Variants in POC1B observed in about 807,000 individuals in gnomAD.
POC1B encodes the protein POC1 centriolar protein homolog B.
A neutral mutation model predicts 60.6 loss-of-function variants in POC1B; 44 were observed. That is an observed-to-expected ratio of 0.73 (90% confidence interval 0.57 to 0.93). The LOEUF is 0.93. Among genes scored for constraint, POC1B ranks in the 40% least tolerant of loss-of-function variants. The probability of loss-of-function intolerance (pLI) is 0.00; values close to 1 mark genes in which losing one functional copy is unlikely to be tolerated. For synonymous variants in POC1B, 180 were observed against 198.9 expected, an observed-to-expected ratio of 0.90 and a Z score of 0.80; for missense variants, 555 against 572.3, an observed-to-expected ratio of 0.97 and a Z score of 0.31.
At chr12:89,492,204 T>C in intron 3 of POC1B, 89 bp from the exon 4 acceptor site, 1 of 1,071,804 alleles carries the variant, frequency 9.3e-7, no homozygotes, top group Non-Finnish European at 1.3e-6. Context: ...ACATATAAAA[T>C]AGTTTAAATA....
Position 89,455,153 on chromosome 12 carries a change from G to A in POC1B, c.1113+4485C>T, listed in dbSNP as rs570423990. On this transcript the variant is annotated intron_variant, in intron 10 of 11. Coordinates refer to ENST00000313546, the MANE Select transcript of POC1B (RefSeq NM_172240.3). ...GTTCGAGACCAGCTTGGCCAACATG[G>A]TGAAACCCTGTCTGTACTAAAAAAT... is the stretch of plus-strand genomic sequence containing the variant. Among the ~76,000 whole-genome samples the A allele has an allele frequency of 3.6e-4, 55 of 152,212 alleles. No homozygotes were observed. The Middle Eastern group carries it at 0.01, about 28-fold the overall frequency.
intron 4 of POC1B, among the ~76,000 whole-genome samples, chr12:89,481,569 A>C (rs929748580): frequency 6.6e-6 from 1 of 152,240 alleles, no homozygotes; most frequent in Non-Finnish European, 1.5e-5. Flanking sequence ...TAATGGGCTG[A>C]AATTTTGAAG....
At chr12:89,504,776 C>T (rs914023485) in intron 2 of POC1B, among the ~76,000 whole-genome samples, 2 of 152,122 alleles carry the variant, frequency 1.3e-5, no homozygotes, top group African/African-American at 2.4e-5. Context: ...ATATCCAACA[C>T]ATAACAAAGT....
the POC1B span, among the ~76,000 whole-genome samples, chr12:89,410,853 T>C: frequency 1.3e-5 from 2 of 152,168 alleles, no homozygotes; most frequent in Non-Finnish European, 1.5e-5. Context: ...GATGACATGA[T>C]TGTATATTTA....
chr12:89,461,696 G>C (rs1882491174), intron 9 of POC1B: 2 of 152,116 alleles, frequency 1.3e-5, no homozygotes, highest in Admixed American at 6.6e-5. Context: ...TGTGTTAAAG[G>C]GGAGATATAA....
At chr12:89,407,148 C>CAAA in the POC1B span, among the ~76,000 whole-genome samples, 29 of 63,364 alleles carry the variant, frequency 4.6e-4, no homozygotes, top group East Asian at 1.2e-3. Flanking sequence ...GACTCCGTCT[C>CAAA]AAAAAAAAAA....
intron 2 of POC1B, chr12:89,501,904 G>A (rs1341800228): frequency 7.8e-6 from 9 of 1,146,744 alleles, no homozygotes; most frequent in Non-Finnish European, 1.2e-5. Context: ...TAAAGGTTCT[G>A]GAGGTATCAT....
chr12:89,414,347 C>T, the POC1B span, among the ~76,000 whole-genome samples: 1 of 152,148 alleles, frequency 6.6e-6, no homozygotes, highest in Non-Finnish European at 1.5e-5. Context: ...AGATTTGACT[C>T]CGAAGAAAAT....
At chr12:89,499,699 C>A (rs894396417) in intron 2 of POC1B, among the ~76,000 whole-genome samples, 1 of 152,114 alleles carries the variant, frequency 6.6e-6, no homozygotes, top group South Asian at 2.1e-4. Flanking sequence ...GGTGGGTCAA[C>A]TGGATACTCA....
At chr12:89,408,678 G>A in the POC1B span, among the ~76,000 whole-genome samples, 6 of 152,066 alleles carry the variant, frequency 3.9e-5, no homozygotes, top group African/African-American at 1.4e-4. Flanking sequence ...TAGTAGAGAC[G>A]GGGTTTCACC....
chr12:89,408,130 A>G, the POC1B span, among the ~76,000 whole-genome samples: 1 of 152,196 alleles, frequency 6.6e-6, no homozygotes, highest in Admixed American at 6.5e-5. Context: ...CTCCAAAGAC[A>G]TGAACTCATC....
At chr12:89,452,411 T>C (rs951144977) in intron 10 of POC1B, among the ~76,000 whole-genome samples, 1 of 152,180 alleles carries the variant, frequency 6.6e-6, no homozygotes, top group Non-Finnish European at 1.5e-5. Flanking sequence ...ATTTTCCTTT[T>C]TTTTTTCTGT....
chr12:89,525,947 G>A lies in POC1B; in HGVS notation c.-52C>T, dbSNP rs1354182402. 5.2e-6 allele frequency: 8 copies of A among 1,538,256 alleles called. No homozygotes were observed. Among genetic ancestry groups the A allele is most frequent in the Non-Finnish European group, 6.1e-6 (7 of 1,140,348 alleles). ...TGTGGGTGGGGGAACCCGGAGAGGG[G>A]AGGGGAGAGGATGGGGAAGGAGAGG... On this transcript the variant is annotated 5_prime_UTR_variant, in exon 1 of 12. Coordinates refer to ENST00000313546, the MANE Select transcript of POC1B (RefSeq NM_172240.3).
At chr12:89,522,653 T>C in intron 2 of POC1B, 1 of 822,206 alleles carries the variant, frequency 1.2e-6, no homozygotes, top group Non-Finnish European at 1.7e-6. Flanking sequence ...GGTACCCAGT[T>C]TCAGTGTGAT....
chr12:89,415,426 G>A (rs368449395), downstream of POC1B, among the ~76,000 whole-genome samples: 15 of 152,078 alleles, frequency 9.9e-5, no homozygotes, highest in East Asian at 1.9e-3. Flanking sequence ...GGTGGATCAC[G>A]AGGTCAAGAG....
intron 3 of POC1B, among the ~76,000 whole-genome samples, chr12:89,492,738 C>T (rs1406395362): frequency 6.6e-6 from 1 of 152,132 alleles, no homozygotes; most frequent in Non-Finnish European, 1.5e-5. Context: ...AAGCCAGAAG[C>T]CTGGAAGTCA....
chr12:89,474,566 G>A (rs1046756985), intron 4 of POC1B, among the ~76,000 whole-genome samples: 1 of 152,096 alleles, frequency 6.6e-6, no homozygotes, highest in Admixed American at 6.6e-5. Flanking sequence ...AGTAAAACAG[G>A]TGCTACTGCT....
chr12:89,522,067 C>G (rs550261234), intron 2 of POC1B: 1 of 398,984 alleles, frequency 2.5e-6, no homozygotes, highest in Non-Finnish European at 4.4e-6. Flanking sequence ...CACACAAACA[C>G]GTTCACAGAG....
chr12:89,475,280 G>A (rs1236185986), intron 4 of POC1B, among the ~76,000 whole-genome samples: 1 of 152,126 alleles, frequency 6.6e-6, no homozygotes, highest in Non-Finnish European at 1.5e-5. Context: ...ATTTCCCAGA[G>A]CAAAATAAAT....
Sources: gnomAD v4.1 joint callset for allele counts (sites outside exome capture counted in the v4.1 genomes callset) on GRCh38, gnomAD v4.1.1 for gene constraint, MANE v1.5 for transcripts, NCBI Gene and HGNC (gene_info 2026-07-23, HGNC 2026-07-21) for gene names.